Variants in TMEM97 observed in about 807,000 individuals in gnomAD.
TMEM97 encodes transmembrane protein 97, also known as sigma intracellular receptor 2.
A neutral mutation model predicts 18.3 loss-of-function variants in TMEM97; 13 were observed. That is an observed-to-expected ratio of 0.71 (90% CI 0.46 to 1.13). The LOEUF (loss-of-function observed/expected upper bound fraction) is 1.13, where lower values mean the gene tolerates loss of function less well. Ranked by LOEUF, TMEM97 falls within the 50% of genes most tolerant of loss-of-function variation. TMEM97 has a pLI of 0.00. For synonymous variants in TMEM97, 76 were observed against 85.3 expected (o/e 0.89, Z 0.60); for missense variants, 205 against 210.5 (o/e 0.97, Z 0.16).
At chr17:28,319,528 C>T (rs1906059373) in intron 1 of TMEM97, 163 bp downstream of exon 1, 1 of 891,168 alleles carries the variant, frequency 1.1e-6, no homozygotes. Context: ...CGGTGTTTTC[C>T]TCGGGCTTTG....
Position 28,320,444 on chromosome 17 carries a change from T to A in TMEM97, c.126+1079T>A, listed in dbSNP as rs564158209. 2.3e-3 allele frequency among the ~76,000 whole-genome samples: 345 copies of A among 152,294 alleles called. 1 individual carries two copies. Among genetic ancestry groups the A allele is most frequent in the Admixed American group, 5.4e-3 (82 of 15,292 alleles). ...TAGAACCAAACACAACTGGAAGACC[T>A]CTGACCTCCTTTTGCATGGGAAAAG... On this transcript the variant is annotated intron_variant, in intron 1 of 2. Transcript: ENST00000226230.
rs782508917 is a variant in TMEM97 at position 28,326,754 on chromosome 17, C to T, written c.492C>T (p.Ser164=). ...TACTTTTAATTTTCATGTTGCGGAG[C>T]CCCTACTACAAGTATGAAGAGAAAA... is the stretch of plus-strand genomic sequence containing the variant. ...PFILLIFMLR[S]PYYKYEEKRK... Residue 164 remains serine (S), a synonymous_variant, in exon 3 of 3, where the codon AGC becomes AGT. Coordinates refer to ENST00000226230, the MANE Select transcript of TMEM97 (RefSeq NM_014573.3). 3 of 1,613,860 alleles carry T rather than the reference C, an allele frequency of 1.9e-6. No homozygotes were observed. Among genetic ancestry groups the T allele is most frequent in the Non-Finnish European group, 2.5e-6 (3 of 1,179,998 alleles).
chr17:28,325,656 A>G lies in TMEM97; in HGVS notation c.271+9A>G. ...GTATGCCTTCCTCAAAGGTTGGTAA[A>G]TGGTGGGAAAATCCCATTTTTACTC... On this transcript the variant is annotated intron_variant, in intron 2 of 2. Coordinates refer to ENST00000226230, the MANE Select transcript of TMEM97 (RefSeq NM_014573.3). 1.9e-6 allele frequency: 3 copies of G among 1,613,562 alleles called. No individual in the cohort carries two copies. The highest frequency in any genetic ancestry group is 2.5e-6 in the Non-Finnish European group (3 of 1,179,852).
chr17:28,325,364 C>A, intron 1 of TMEM97, 139 bp from the exon 2 acceptor site: 2 of 1,090,644 alleles, frequency 1.8e-6, no homozygotes, highest in Non-Finnish European at 2.6e-6. Flanking sequence ...CAAAAGCCAG[C>A]TGGACATGCC....
chr17:28,325,396 G>C (rs1906290285), intron 1 of TMEM97, 107 bp from the exon 2 acceptor site: 1 of 1,427,156 alleles, frequency 7.0e-7, no homozygotes, highest in African/African-American at 1.4e-5. Flanking sequence ...GGGTAGTGGG[G>C]GGTGGCTAAT....
rs538038865 is a variant in TMEM97, at chr17:28,321,800, C to CTGTGTGTGTGTG, written c.126+2467_126+2478dup. On this transcript the variant is annotated intron_variant, in intron 1 of 2. Transcript: ENST00000226230. ...AGTGCAGGCAGCATCTGGCCAGAAC[C>CTGTGTGTGTGTG]TGTGTGTGTGTGTGTGTGTGTGTGT... Among the ~76,000 whole-genome samples the CTGTGTGTGTGTG allele has an allele frequency of 6.6e-3, 874 of 132,170 alleles. 2 individuals carry two copies. The highest frequency in any genetic ancestry group is 0.015 in the African/African-American group (502 of 34,372). The allele number at this position is 132,170 out of a possible 152,430, so 86.7% of individuals were successfully genotyped here.
At chr17:28,326,002 CTT>C (rs1906320189) in intron 2 of TMEM97, among the ~76,000 whole-genome samples, 1 of 152,240 alleles carries the variant, frequency 6.6e-6, no homozygotes, top group African/African-American at 2.4e-5. Context: ...ATCATACTGA[CTT>C]ATAAGCTGTA....
intron 1 of TMEM97, among the ~76,000 whole-genome samples, chr17:28,325,149 C>T (rs1295595256): frequency 6.6e-6 from 1 of 152,094 alleles, no homozygotes; most frequent in Non-Finnish European, 1.5e-5. Context: ...GTTCATTCAG[C>T]GAACACCCTG....
chr17:28,326,656 CAA>C lies in TMEM97; in HGVS notation c.396_397del (p.Arg133ThrfsTer2). 2 of 1,614,172 alleles carry C rather than the reference CAA, an allele frequency of 1.2e-6. No individual in the cohort carries two copies. Among genetic ancestry groups the C allele is most frequent in the Non-Finnish European group, 1.7e-6 (2 of 1,180,028 alleles). On this transcript the variant is annotated frameshift_variant, in exon 3 of 3. Transcript: ENST00000226230. LOFTEE classifies it high-confidence loss of function. ...DFSKASGFKG[Q>X]RPETLHERLT... ...CTCCAAAGCCAGTGGTTTCAAGGGA[CAA>C]AGACCTGAGACTTTGCATGAACGGT...
At chr17:28,319,588 C>T (rs1395802589) in intron 1 of TMEM97, 2 of 473,046 alleles carry the variant, frequency 4.2e-6, no homozygotes, top group Non-Finnish European at 7.1e-6. Flanking sequence ...CGCTTTGTTT[C>T]CTTTAAAGTC....
intron 1 of TMEM97, among the ~76,000 whole-genome samples, chr17:28,319,883 G>T (rs1478150629): frequency 6.6e-6 from 1 of 152,192 alleles, no homozygotes; most frequent in Admixed American, 6.5e-5. Flanking sequence ...GCAACTTCCA[G>T]AGCTCAGGAG....
At chr17:28,325,291 G>C (rs1303001119) in intron 1 of TMEM97, among the ~76,000 whole-genome samples, 14 of 152,152 alleles carry the variant, frequency 9.2e-5, no homozygotes, top group Non-Finnish European at 1.6e-4. Flanking sequence ...GAAAATTTCA[G>C]AGAAGGGAAC....
Position 28,326,796 on chromosome 17 carries a change from G to C in TMEM97, c.*3G>C. 1 of 1,609,282 alleles carries C rather than the reference G, an allele frequency of 6.2e-7. No individual in the cohort carries two copies. Among genetic ancestry groups the C allele is most frequent in the South Asian group, 1.1e-5 (1 of 90,874 alleles). On this transcript the variant is annotated 3_prime_UTR_variant, in exon 3 of 3. Transcript: ENST00000226230. ...AAGAGAAAAGAAAAAAAAAATGAAG[G>C]AAACAACCACTGGCCCAGGGTAGAG...
In TMEM97 at chr17:28,325,717, C is replaced by T. The variant is rs1434672672; in HGVS notation, c.271+70C>T. On this transcript the variant is annotated intron_variant, in intron 2 of 2. Transcript: ENST00000226230. ...TCCCAGAAATCTTTTGGGAAAGTAT[C>T]TCCAAAGGGAAGGGGATGGTCCCCA... 2.5e-6 allele frequency: 4 copies of T among 1,594,170 alleles called. No homozygotes were observed. In the African/African-American group the frequency reaches 5.4e-5, roughly 21 times the overall value.
At chr17:28,319,533 GC>G in intron 1 of TMEM97, 168 bp downstream of exon 1, 1 of 831,678 alleles carries the variant, frequency 1.2e-6, no homozygotes, top group Non-Finnish European at 1.7e-6. Context: ...TTTTCCTCGG[GC>G]TTTGTCTCTA....
chr17:28,322,902 G>A (rs1371076429), intron 1 of TMEM97, among the ~76,000 whole-genome samples: 7 of 152,176 alleles, frequency 4.6e-5, no homozygotes, highest in African/African-American at 9.7e-5. Flanking sequence ...ATGACCAGTC[G>A]TGAGCTGCGA....
At chr17:28,319,875 A>C (rs1458776296) in intron 1 of TMEM97, among the ~76,000 whole-genome samples, 1 of 152,188 alleles carries the variant, frequency 6.6e-6, no homozygotes, top group African/African-American at 2.4e-5. Context: ...AGGTTCCAGC[A>C]ACTTCCAGAG....
intron 1 of TMEM97, among the ~76,000 whole-genome samples, chr17:28,323,922 C>T (rs548434228): frequency 4.3e-4 from 66 of 152,200 alleles, no homozygotes; most frequent in African/African-American, 1.4e-3. Context: ...CATCTGAGCC[C>T]GGGATGTTGA....
At position 28,327,284 on chromosome 17, in the gene TMEM97, T is replaced by C. The variant is rs1216148703; in HGVS notation, c.*491T>C. On this transcript the variant is annotated 3_prime_UTR_variant, in exon 3 of 3. Coordinates refer to ENST00000226230, the MANE Select transcript of TMEM97 (RefSeq NM_014573.3). ...CTGGGCCCAGCCCAAACCTTCACCT[T>C]CTAAGGGCACTGGGATGAACAGACC... 6.0e-6 allele frequency: 1 copy of C among 165,982 alleles called. No homozygotes were observed. The highest frequency in any genetic ancestry group is 2.4e-5 in the African/African-American group (1 of 41,802). 10.3% of individuals were successfully genotyped at this position (165,982 alleles called of 1,614,324 possible). A position where few individuals can be genotyped will look rare whatever the true frequency, so the allele number is the denominator to read the frequency against.
Sources: allele counts gnomAD v4.1 joint callset (sites outside exome capture counted in the v4.1 genomes callset), GRCh38; gene constraint gnomAD v4.1.1; transcripts MANE v1.5; gene names NCBI Gene and HGNC (gene_info 2026-07-23, HGNC 2026-07-21).